GPR84: variants seen among roughly 807,000 people sequenced by gnomAD.
GPR84 encodes the protein G-protein coupled receptor 84.
Under a neutral mutation model 14.9 loss-of-function variants are expected in GPR84, and 8 were observed. The observed-to-expected ratio is 0.54, with a 90% CI of 0.31 to 0.97. GPR84 has a LOEUF of 0.97. GPR84 is among the 50% of genes least tolerant of loss of function. GPR84 has a pLI of 0.04. For synonymous variants in GPR84, 164 were observed against 198.1 expected (o/e 0.83, Z 1.45); for missense variants, 424 against 498.7 (o/e 0.85, Z 1.43).
rs1592219710 is a variant in GPR84 at position 54,363,750 on chromosome 12, G to A, written c.102C>T (p.Gly34=). 1 of 1,613,832 alleles carries A rather than the reference G, an allele frequency of 6.2e-7. No individual in the cohort carries two copies. Among genetic ancestry groups the A allele is most frequent in the Middle Eastern group, 1.6e-4 (1 of 6,062 alleles). The change falls in exon 2 of 2, where the codon GGC becomes GGT. Residue 34 remains glycine, a synonymous_variant. Transcript: ENST00000267015. ...VSWGVVVAVT[G]TVGNVLTLLA... ...GTAGGGTGAGCACATTGCCCACGGT[G>A]CCTGTCACAGCCACCACCACCCCCC... is the stretch of plus-strand genomic sequence containing the variant.
chr12:54,355,050 A>G, the GPR84 span, among the ~76,000 whole-genome samples: 24,242 of 152,010 alleles, frequency 0.16, 2,205 homozygotes, highest in East Asian at 0.26. Flanking sequence ...CAGCGTCCAA[A>G]GAATTTGGGG....
downstream of GPR84, among the ~76,000 whole-genome samples, chr12:54,358,408 T>TAGGGGAGGAAACAAAC (rs1954231462): frequency 6.6e-6 from 1 of 152,072 alleles, no homozygotes; most frequent in Non-Finnish European, 1.5e-5. Flanking sequence ...CTCCCTCCCC[T>TAGGGGAGGAAACAAAC]AAAAACAAAC....
Position 54,362,659 on chromosome 12 carries a change from T to C in GPR84, c.*2A>G. On this transcript the variant is annotated 3_prime_UTR_variant, in exon 2 of 2. Coordinates refer to ENST00000267015, the MANE Select transcript of GPR84 (RefSeq NM_020370.3). This position sits in a 1 kb window ranked among gnomAD's most constrained non-coding sequence, Gnocchi z 4.0. ...TGAATTCTGGTGACTAGGGTCACAG[T>C]TCTAATGGAGCCTATGGAAACTCCG... 6.3e-7 allele frequency: 1 copy of C among 1,587,742 alleles called. No homozygotes were observed. Among genetic ancestry groups the C allele is most frequent in the Non-Finnish European group, 8.6e-7 (1 of 1,161,028 alleles).
chr12:54,359,432 G>T (rs1241381276), downstream of GPR84, among the ~76,000 whole-genome samples: 1 of 150,102 alleles, frequency 6.7e-6, no homozygotes, highest in African/African-American at 2.5e-5. Flanking sequence ...GGGGCGGGGG[G>T]AGCGCGGCAG....
the GPR84 span, chr12:54,353,566 TCC>T: frequency 6.6e-6 from 1 of 151,616 alleles, no homozygotes; most frequent in African/African-American, 2.4e-5. Context: ...TCCCTCTCCC[TCC>T]CCCTGATGCC....
the GPR84 span, among the ~76,000 whole-genome samples, chr12:54,356,908 G>T: frequency 6.6e-6 from 1 of 152,212 alleles, no homozygotes; most frequent in African/African-American, 2.4e-5. Flanking sequence ...GAGGACAAAA[G>T]AATTGGGTGG....
chr12:54,363,286 A>G lies in GPR84; in HGVS notation c.566T>C (p.Leu189Pro). 2.5e-6 allele frequency: 4 copies of G among 1,614,206 alleles called. No individual in the cohort carries two copies. The highest frequency in any genetic ancestry group is 3.4e-6 in the Non-Finnish European group (4 of 1,180,042). ...GAAGATGCCAACACTGCTGAGCCCA[A>G]GCACAAAGTAGATGCCCATGAGGAT... ...TTILMGIYFV[L>P]GLSSVGIFYC... Residue 189 changes from leucine (L) to proline (P), a missense_variant, in exon 2 of 2, where the codon CTT (leucine) becomes CCT (proline). Leu to Pro is a moderately conservative substitution (Grantham distance 98). Transcript: ENST00000267015.
At chr12:54,359,732 C>T (rs1023337943), downstream of GPR84, among the ~76,000 whole-genome samples, 3 of 152,152 alleles carry the variant, frequency 2.0e-5, no homozygotes, top group South Asian at 6.2e-4. Flanking sequence ...CAGTGCATGG[C>T]CTCACTCGCC....
At chr12:54,358,330 AG>A (rs1160386761), downstream of GPR84, among the ~76,000 whole-genome samples, 1 of 152,118 alleles carries the variant, frequency 6.6e-6, no homozygotes, top group Non-Finnish European at 1.5e-5. Context: ...GGGTCTTCAT[AG>A]GGGAGGAGGA....
Position 54,363,846 on chromosome 12 carries a change from C to A in GPR84, c.6G>T (p.Trp2Cys). 6.3e-7 allele frequency: 1 copy of A among 1,585,944 alleles called. No homozygotes were observed. Among genetic ancestry groups the A allele is most frequent in the Non-Finnish European group, 8.6e-7 (1 of 1,164,698 alleles). ...AGGAGAAGTTGGCGTCAGAGCTGTT[C>A]CACATGATAGAGGCTAAAGAGGCAG... is the stretch of plus-strand genomic sequence containing the variant. M[W>C]NSSDANFSCY... Residue 2 changes from tryptophan (W) to cysteine (C), a missense_variant, in exon 2 of 2, where the codon TGG becomes TGT. Transcript: ENST00000267015.
Position 54,362,635 on chromosome 12 carries a change from G to T in GPR84, c.*26C>A. The T allele has an allele frequency of 6.7e-7, 1 of 1,491,444 alleles. No homozygotes were observed. Among genetic ancestry groups the T allele is most frequent in the Non-Finnish European group, 9.2e-7 (1 of 1,086,402 alleles). The allele number at this position is 1,491,444 out of a possible 1,614,324, so 92.4% of individuals were successfully genotyped here. The stretch of plus-strand genomic sequence containing the variant: ...CTTTGGTCCTGGAGGAGACAGTCCT[G>T]AATTCTGGTGACTAGGGTCACAGTT... On this transcript the variant is annotated 3_prime_UTR_variant, in exon 2 of 2. Coordinates refer to ENST00000267015, the MANE Select transcript of GPR84 (RefSeq NM_020370.3). This position sits in a 1 kb window ranked among gnomAD's most constrained non-coding sequence, Gnocchi z 4.0.
intron 1 of GPR84, 71 bp downstream of exon 1, chr12:54,364,322 T>C (rs1954307643): frequency 6.5e-6 from 1 of 153,242 alleles, no homozygotes; most frequent in South Asian, 2.1e-4. Context: ...CTTTAGTCAT[T>C]TCTGTTTGTT....
chr12:54,354,064 G>A, the GPR84 span, among the ~76,000 whole-genome samples: 2 of 151,500 alleles, frequency 1.3e-5, no homozygotes, highest in African/African-American at 4.9e-5. Context: ...CTTTAAGTCC[G>A]CACCCTTCTC....
downstream of GPR84, among the ~76,000 whole-genome samples, chr12:54,361,562 G>A (rs188712539): frequency 3.9e-5 from 6 of 152,216 alleles, no homozygotes; most frequent in Middle Eastern, 3.4e-3. The surrounding 1 kb of genome is among the most constrained non-coding windows in gnomAD (Gnocchi z 4.3). Flanking sequence ...GTAGAGATGG[G>A]GTTTCTCTGT....
chr12:54,351,036 T>A, the GPR84 span: 1 of 168,438 alleles, frequency 5.9e-6, no homozygotes, highest in African/African-American at 2.4e-5. Flanking sequence ...GTGACCTCAG[T>A]GTTTTCTTCC....
chr12:54,363,289 A>C lies in GPR84; in HGVS notation c.563T>G (p.Val188Gly). Residue 188 changes from valine (V) to glycine (G), a missense_variant, in exon 2 of 2, where the codon GTG becomes GGG. Coordinates refer to ENST00000267015, the MANE Select transcript of GPR84 (RefSeq NM_020370.3). The stretch of plus-strand genomic sequence containing the variant: ...GATGCCAACACTGCTGAGCCCAAGC[A>C]CAAAGTAGATGCCCATGAGGATGGT... ...YTTILMGIYF[V>G]LGLSSVGIFY... is the part of the protein sequence containing the mutation. 1 of 1,614,204 alleles carries C rather than the reference A, an allele frequency of 6.2e-7. No individual in the cohort carries two copies. Among genetic ancestry groups the C allele is most frequent in the South Asian group, 1.1e-5 (1 of 91,084 alleles).
the GPR84 span, among the ~76,000 whole-genome samples, chr12:54,355,353 T>TGC: frequency 7.2e-4 from 109 of 151,536 alleles, no homozygotes; most frequent in Non-Finnish European, 1.1e-3. Context: ...TGTGTGTGTG[T>TGC]GCGCATGGCA....
chr12:54,360,173 ACT>A (rs1480991602), downstream of GPR84, among the ~76,000 whole-genome samples: 6 of 151,666 alleles, frequency 4.0e-5, no homozygotes, highest in African/African-American at 9.7e-5. Context: ...CGGATTTGAG[ACT>A]CTGCCCTCAA....
the GPR84 span, chr12:54,350,719 C>G: frequency 3.3e-6 from 2 of 603,800 alleles, no homozygotes; most frequent in Non-Finnish European, 6.0e-6. Flanking sequence ...TCTTGCAGTT[C>G]TGGGAGTAAA....
Sources: allele counts gnomAD v4.1 joint callset (sites outside exome capture counted in the v4.1 genomes callset), GRCh38; gene constraint gnomAD v4.1.1; non-coding constraint Gnocchi (gnomAD v3.1); transcripts MANE v1.5; gene names NCBI Gene and HGNC (gene_info 2026-07-23, HGNC 2026-07-21).